The following FAM13A variants were observed in gnomAD, a reference collection of about 807,000 sequenced individuals.
FAM13A encodes protein FAM13A.
In FAM13A, 76 loss-of-function variants were observed where a neutral mutation model predicts 129.6. That is an observed-to-expected ratio of 0.59 (90% CI 0.49 to 0.71). The LOEUF (loss-of-function observed/expected upper bound fraction) is 0.71, where lower values mean the gene tolerates loss of function less well. Ranked by LOEUF, FAM13A falls within the 30% of genes least tolerant of loss-of-function variation. The pLI, the probability that FAM13A is intolerant of heterozygous loss-of-function variation, is 0.00. For missense variants in FAM13A, 1,108 were observed against 1,249.3 expected (o/e 0.89, Z 1.70); for synonymous variants, 443 against 449.9 (o/e 0.98, Z 0.20).
intron 1 of FAM13A, among the ~76,000 whole-genome samples, chr4:89,038,237 A>T (rs1290497360): frequency 6.6e-6 from 1 of 152,202 alleles, no homozygotes; most frequent in African/African-American, 2.4e-5. Flanking sequence ...CCTTATGGTG[A>T]TCCTTCACAA....
intron 4 of FAM13A, among the ~76,000 whole-genome samples, chr4:88,945,809 A>T (rs1227776437): frequency 7.0e-6 from 1 of 142,786 alleles, no homozygotes; most frequent in Non-Finnish European, 1.5e-5. Flanking sequence ...GTATATATAT[A>T]TTATATATAT....
In FAM13A at chr4:88,896,016, A is replaced by G. The variant is rs1404318622; in HGVS notation, c.843+10363T>C. On this transcript the variant is annotated intron_variant, in intron 6 of 23. Transcript: ENST00000264344. ...TTCACAATAGCAAAGACTTGGAACC[A>G]ACCCAAATGTCCAACAATGATAGAC... is the stretch of plus-strand genomic sequence containing the variant. Among the ~76,000 whole-genome samples, 434 of 147,664 alleles carry G rather than the reference A, an allele frequency of 2.9e-3. 3 individuals are homozygous for G. The highest frequency in any genetic ancestry group is 0.01 in the African/African-American group (413 of 40,140).
chr4:88,785,008 C>A (rs1429425221), intron 10 of FAM13A, among the ~76,000 whole-genome samples: 1 of 152,004 alleles, frequency 6.6e-6, no homozygotes, highest in Non-Finnish European at 1.5e-5. Context: ...AATAACAAAT[C>A]ATTTGTACCT....
intron 19 of FAM13A, among the ~76,000 whole-genome samples, chr4:88,739,945 A>G (rs1739880391): frequency 6.6e-6 from 1 of 152,108 alleles, no homozygotes; most frequent in Admixed American, 6.5e-5. Flanking sequence ...GTATCCCTAA[A>G]ATCTGGCACA....
intron 5 of FAM13A, among the ~76,000 whole-genome samples, chr4:88,921,477 A>C (rs553161754): frequency 6.6e-6 from 1 of 152,300 alleles, no homozygotes; most frequent in Admixed American, 6.5e-5. Context: ...GGAGAAATAA[A>C]ATCCTTTACA....
At chr4:88,828,755 A>C (rs957065728) in intron 7 of FAM13A, among the ~76,000 whole-genome samples, 2 of 152,220 alleles carry the variant, frequency 1.3e-5, no homozygotes, top group Non-Finnish European at 2.9e-5. Context: ...GGCTACACAT[A>C]AGATAAACTG....
At chr4:88,983,971 A>C (rs372978720) in intron 4 of FAM13A, among the ~76,000 whole-genome samples, 21 of 152,328 alleles carry the variant, frequency 1.4e-4, no homozygotes, top group African/African-American at 5.1e-4. Context: ...GATCAATGGA[A>C]TATAACTATG....
At chr4:88,728,965 CA>C in intron 23 of FAM13A, 1 of 195,032 alleles carries the variant, frequency 5.1e-6, no homozygotes, top group Non-Finnish European at 1.0e-5. Flanking sequence ...TCTCATACAC[CA>C]AAATCTTTTA....
intron 6 of FAM13A, among the ~76,000 whole-genome samples, chr4:88,904,542 C>T (rs1747826863): frequency 6.6e-6 from 1 of 152,120 alleles, no homozygotes; most frequent in Non-Finnish European, 1.5e-5. Context: ...TGCATGTTCT[C>T]ACTTATAAAT....
At chr4:88,880,797 G>GGGGC (rs1743427213) in intron 6 of FAM13A, among the ~76,000 whole-genome samples, 1 of 84,030 alleles carries the variant, frequency 1.2e-5, no homozygotes, top group African/African-American at 4.5e-5. Flanking sequence ...GGGGGGGGGG[G>GGGGC]CACAGTGGGA....
rs548622749 is a variant in FAM13A at position 88,903,928 on chromosome 4, G to GA, written c.843+2450dup. On this transcript the variant is annotated intron_variant, in intron 6 of 23. Transcript: ENST00000264344. ...ACAAGGAACTTAAACACATTTATAA[G>GA]AAAAAAAATCCTATTAAAAAGTGGG... Among the ~76,000 whole-genome samples, 15 of 151,774 alleles carry GA rather than the reference G, an allele frequency of 9.9e-5. No homozygotes were observed. In the East Asian group the frequency reaches 2.5e-3, roughly 25 times the overall value.
At position 88,876,692 on chromosome 4, in the gene FAM13A, T is replaced by C. The variant is rs561687368; in HGVS notation, c.844-25509A>G. Reference sequence around the variant, plus strand: ...CTGCAAGCTCTGCCTCCCGAGTTCATGCCATTCTCCTGCCTCGGCCTCCCA... The same window carrying C: ...CTGCAAGCTCTGCCTCCCGAGTTCACGCCATTCTCCTGCCTCGGCCTCCCA... On this transcript the variant is annotated intron_variant, in intron 6 of 23. Coordinates refer to ENST00000264344, the MANE Select transcript of FAM13A (RefSeq NM_014883.4). Among the ~76,000 whole-genome samples, 934 of 152,064 alleles carry C rather than the reference T, an allele frequency of 6.1e-3. 6 individuals carry two copies. Among genetic ancestry groups the C allele is most frequent in the Middle Eastern group, 0.031 (9 of 294 alleles).
intron 9 of FAM13A, among the ~76,000 whole-genome samples, chr4:88,790,142 G>A (rs774375064): frequency 2.7e-4 from 41 of 152,038 alleles, no homozygotes; most frequent in Admixed American, 8.5e-4. Flanking sequence ...GGCCCAAGGC[G>A]TCCTTGACAT....
chr4:88,945,082 T>C (rs1755444816), intron 4 of FAM13A, among the ~76,000 whole-genome samples: 1 of 152,162 alleles, frequency 6.6e-6, no homozygotes, highest in Non-Finnish European at 1.5e-5. Flanking sequence ...TTGGTAGAAA[T>C]GGGAGTGACT....
chr4:88,865,878 CTTTTTTTTTTTT>C (rs34865210), intron 6 of FAM13A, among the ~76,000 whole-genome samples: 11 of 83,194 alleles, frequency 1.3e-4, no homozygotes, highest in East Asian at 4.4e-4. Context: ...TTGTCTCTCT[CTTTTTTTTTTTT>C]TTTTTTTTTT....
chr4:88,762,920 C>T (rs1357287560), intron 13 of FAM13A, among the ~76,000 whole-genome samples: 1 of 152,158 alleles, frequency 6.6e-6, no homozygotes, highest in Non-Finnish European at 1.5e-5. Flanking sequence ...ACTCCAAGAT[C>T]CTTGTACCGT....
chr4:88,889,686 G>A (rs181519924), intron 6 of FAM13A, among the ~76,000 whole-genome samples: 1 of 152,258 alleles, frequency 6.6e-6, no homozygotes, highest in African/African-American at 2.4e-5. Context: ...TTATGGACCT[G>A]TGAACTTTGC....
intron 3 of FAM13A, among the ~76,000 whole-genome samples, chr4:89,015,426 C>G (rs1448782839): frequency 1.3e-5 from 2 of 152,078 alleles, no homozygotes; most frequent in African/African-American, 4.8e-5. Context: ...TGATGTCTCC[C>G]CCGGACACCC....
intron 1 of FAM13A, among the ~76,000 whole-genome samples, chr4:89,042,575 A>T (rs1770296507): frequency 1.3e-5 from 2 of 152,236 alleles, no homozygotes; most frequent in African/African-American, 4.8e-5. Context: ...ATAGCTCTTA[A>T]CTTAGAATCC....
Sources: gnomAD v4.1 joint callset for allele counts (sites outside exome capture counted in the v4.1 genomes callset) on GRCh38, gnomAD v4.1.1 for gene constraint, MANE v1.5 for transcripts, NCBI Gene and HGNC (gene_info 2026-07-23, HGNC 2026-07-21) for gene names.